Variants in PPHLN1 observed in about 807,000 individuals in gnomAD.
PPHLN1 encodes the protein periphilin-1.
Under a neutral mutation model 51.3 loss-of-function variants are expected in PPHLN1, and 29 were observed. The ratio of observed to expected loss-of-function variants is 0.57; its 90% CI spans 0.42 to 0.77. The LOEUF is 0.77. Among genes scored for constraint, PPHLN1 ranks in the 30% least tolerant of loss-of-function variants. The pLI, the probability that PPHLN1 is intolerant of heterozygous loss-of-function variation, is 0.00. For missense variants in PPHLN1, 436 were observed against 438.4 expected (o/e 0.99, Z 0.05); for synonymous variants, 147 against 147.8 (o/e 0.99, Z 0.04).
At chr12:42,368,685 C>G (rs2138633345) in intron 4 of PPHLN1, among the ~76,000 whole-genome samples, 1 of 152,236 alleles carries the variant, frequency 6.6e-6, no homozygotes, top group South Asian at 2.1e-4. Flanking sequence ...ATGGGAAATA[C>G]TAATATTTTG....
chr12:42,393,516 T>A, intron 7 of PPHLN1, 54 bp from the exon 8 acceptor site: 1 of 1,490,944 alleles, frequency 6.7e-7, no homozygotes, highest in South Asian at 1.4e-5. Context: ...TCTTGGTGTA[T>A]TTGAAGTTTA....
At chr12:42,366,541 G>T (rs1393382006) in intron 4 of PPHLN1, among the ~76,000 whole-genome samples, 2 of 149,892 alleles carry the variant, frequency 1.3e-5, no homozygotes, top group Non-Finnish European at 3.0e-5. Flanking sequence ...GTTTTTTTTT[G>T]TTTTTGTTTT....
chr12:42,409,671 C>A (rs1669897), intron 9 of PPHLN1, among the ~76,000 whole-genome samples: 1 of 151,430 alleles, frequency 6.6e-6, no homozygotes, highest in Non-Finnish European at 1.5e-5. Flanking sequence ...AAACTTTCCT[C>A]CCATTGAAAA....
At chr12:42,338,438 G>GTTT (rs1298558006) in intron 2 of PPHLN1, among the ~76,000 whole-genome samples, 1 of 152,172 alleles carries the variant, frequency 6.6e-6, no homozygotes, top group African/African-American at 2.4e-5. Context: ...AATTATTGAA[G>GTTT]TAATACACCA....
intron 2 of PPHLN1, among the ~76,000 whole-genome samples, chr12:42,342,151 T>C (rs916438637): frequency 2.0e-5 from 3 of 152,240 alleles, no homozygotes; most frequent in Admixed American, 6.5e-5. Flanking sequence ...TAAAGCATGC[T>C]TTCTGTCTTT....
intron 9 of PPHLN1, among the ~76,000 whole-genome samples, chr12:42,408,122 T>C (rs2139459231): frequency 6.6e-6 from 1 of 152,348 alleles, no homozygotes. Context: ...ATTAATAATT[T>C]TCTATTTTGG....
At chr12:42,415,609 A>G (rs2139600083) in intron 9 of PPHLN1, among the ~76,000 whole-genome samples, 1 of 152,334 alleles carries the variant, frequency 6.6e-6, no homozygotes, top group East Asian at 1.9e-4. Context: ...CATCCCTACC[A>G]GGCTCTGATT....
At chr12:42,378,844 T>C (rs2076526562) in intron 5 of PPHLN1, among the ~76,000 whole-genome samples, 2 of 152,108 alleles carry the variant, frequency 1.3e-5, no homozygotes, top group Admixed American at 6.5e-5. Flanking sequence ...CATCCTGTAC[T>C]TTACTTGCAA....
intron 2 of PPHLN1, among the ~76,000 whole-genome samples, chr12:42,348,529 CA>C (rs979811243): frequency 6.6e-6 from 1 of 152,018 alleles, no homozygotes; most frequent in African/African-American, 2.4e-5. Context: ...AAAGTTTTAC[CA>C]AATACATTTT....
chr12:42,438,418 T>A (rs1232659961), intron 9 of PPHLN1, among the ~76,000 whole-genome samples: 3 of 152,232 alleles, frequency 2.0e-5, no homozygotes, highest in Non-Finnish European at 4.4e-5. Flanking sequence ...TTAAGCATTC[T>A]AATAGATGTG....
chr12:42,378,779 T>G (rs1264833677), intron 5 of PPHLN1, among the ~76,000 whole-genome samples: 1 of 152,170 alleles, frequency 6.6e-6, no homozygotes, highest in East Asian at 1.9e-4. Context: ...TGAGTTAATC[T>G]TATGGAACTT....
intron 9 of PPHLN1, among the ~76,000 whole-genome samples, chr12:42,412,936 A>G (rs781691828): frequency 3.3e-5 from 5 of 152,098 alleles, no homozygotes; most frequent in African/African-American, 4.8e-5. Context: ...AGAATTGTCT[A>G]TTCATGTCAT....
intron 5 of PPHLN1, among the ~76,000 whole-genome samples, chr12:42,376,888 T>C (rs1183191275): frequency 6.6e-6 from 1 of 152,218 alleles, no homozygotes; most frequent in African/African-American, 2.4e-5. Context: ...CTGAAAGTTT[T>C]ATTGTGGAGA....
chr12:42,377,264 G>A (rs142131219), intron 5 of PPHLN1, among the ~76,000 whole-genome samples: 81 of 146,452 alleles, frequency 5.5e-4, no homozygotes, highest in African/African-American at 1.8e-3. Flanking sequence ...TCCAAAATTA[G>A]CCAGATACCA....
At chr12:42,370,973 T>G (rs1032027063) in intron 4 of PPHLN1, among the ~76,000 whole-genome samples, 3 of 152,026 alleles carry the variant, frequency 2.0e-5, no homozygotes, top group African/African-American at 7.2e-5. Context: ...ACCCAGCTAA[T>G]TTTTGTATTT....
At chr12:42,346,334 A>T (rs1294915923) in intron 2 of PPHLN1, among the ~76,000 whole-genome samples, 1 of 151,496 alleles carries the variant, frequency 6.6e-6, no homozygotes, top group Non-Finnish European at 1.5e-5. Flanking sequence ...ATCATGCAAT[A>T]TTTTTTTGTG....
At chr12:42,434,144 G>T (rs905452634) in intron 9 of PPHLN1, among the ~76,000 whole-genome samples, 6 of 152,028 alleles carry the variant, frequency 3.9e-5, no homozygotes, top group African/African-American at 1.4e-4. Context: ...AGTATTTGTG[G>T]AGCTGGAGAC....
At chr12:42,365,273 C>G (rs1019432087) in intron 4 of PPHLN1, among the ~76,000 whole-genome samples, 1 of 152,138 alleles carries the variant, frequency 6.6e-6, no homozygotes, top group Non-Finnish European at 1.5e-5. Flanking sequence ...TTCTTGAAAT[C>G]GTAATTCTTT....
chr12:42,416,304 T>A (rs1196904067), intron 9 of PPHLN1, among the ~76,000 whole-genome samples: 1 of 152,226 alleles, frequency 6.6e-6, no homozygotes, highest in Non-Finnish European at 1.5e-5. Context: ...TTGAATAGTC[T>A]TGAATAATGA....
Sources: allele counts gnomAD v4.1 joint callset (sites outside exome capture counted in the v4.1 genomes callset), GRCh38; gene constraint gnomAD v4.1.1; transcripts MANE v1.5; gene names NCBI Gene and HGNC (gene_info 2026-07-23, HGNC 2026-07-21).